The following PLXDC1 variants were observed in gnomAD, a reference collection of about 807,000 sequenced individuals.
PLXDC1 encodes plexin domain containing 1.
PLXDC1 carries 39 observed loss-of-function variants against 61.3 expected under a neutral mutation model. That is an observed-to-expected ratio of 0.64 (90% CI 0.49 to 0.83). PLXDC1 has a LOEUF of 0.83. PLXDC1 is among the 40% of genes least tolerant of loss of function. PLXDC1 has a pLI of 0.00. For missense variants in PLXDC1, 596 were observed against 666.5 expected, an observed-to-expected ratio of 0.89 and a Z score of 1.17; for synonymous variants, 212 against 254.5, an observed-to-expected ratio of 0.83 and a Z score of 1.59.
chr17:39,072,861 C>A (rs1909180712), intron 11 of PLXDC1, among the ~76,000 whole-genome samples: 1 of 152,158 alleles, frequency 6.6e-6, no homozygotes, highest in Non-Finnish European at 1.5e-5. Flanking sequence ...AGGAGAGAGT[C>A]CCAACCCACT....
At chr17:39,097,011 C>G (rs543546128) in intron 7 of PLXDC1, 1 of 471,196 alleles carries the variant, frequency 2.1e-6, no homozygotes, top group South Asian at 1.5e-5. Flanking sequence ...CTGGTAAGAA[C>G]TCTTGTGGTT....
chr17:39,133,085 C>T (rs939314181), intron 2 of PLXDC1, among the ~76,000 whole-genome samples: 1 of 152,164 alleles, frequency 6.6e-6, no homozygotes, highest in African/African-American at 2.4e-5. Context: ...CTTCCTTAGG[C>T]CACAGTGATG....
At chr17:39,095,898 C>T (rs1910175852) in intron 7 of PLXDC1, among the ~76,000 whole-genome samples, 1 of 152,158 alleles carries the variant, frequency 6.6e-6, no homozygotes, top group Non-Finnish European at 1.5e-5. Flanking sequence ...CTCCTGGCCT[C>T]AAACGATCCA....
intron 7 of PLXDC1, among the ~76,000 whole-genome samples, chr17:39,105,073 CCCCATCAAAGCCCAGGT>C (rs1304537875): frequency 7.2e-5 from 11 of 152,204 alleles, no homozygotes; most frequent in African/African-American, 2.7e-4. Context: ...TGCCCCCAGG[CCCCATCAAAGCCCAGGT>C]GGGGTGGGAA....
intron 9 of PLXDC1, among the ~76,000 whole-genome samples, chr17:39,082,950 C>T (rs907904540): frequency 2.0e-5 from 3 of 152,224 alleles, no homozygotes; most frequent in Non-Finnish European, 4.4e-5. Context: ...TGCCTGTAGT[C>T]CACACCCCTG....
intron 2 of PLXDC1, among the ~76,000 whole-genome samples, chr17:39,113,750 C>T (rs1910883760): frequency 6.6e-6 from 1 of 151,838 alleles, no homozygotes; most frequent in African/African-American, 2.4e-5. Context: ...ACTCAGGAGG[C>T]TGAGGCAGGA....
intron 12 of PLXDC1, 51 bp downstream of exon 12, chr17:39,072,399 G>C: frequency 2.2e-6 from 3 of 1,340,444 alleles, no homozygotes; most frequent in Non-Finnish European, 3.1e-6. Context: ...TTCTGGGGTG[G>C]GTCCAAGAGG....
chr17:39,152,748 A>T, upstream of PLXDC1: 3 of 1,101,414 alleles, frequency 2.7e-6, no homozygotes, highest in Non-Finnish European at 3.4e-6. Flanking sequence ...GCTGGAAGAG[A>T]CGGATTCCGT....
At chr17:39,141,794 T>G (rs1219193285) in intron 1 of PLXDC1, among the ~76,000 whole-genome samples, 1 of 152,208 alleles carries the variant, frequency 6.6e-6, no homozygotes, top group Non-Finnish European at 1.5e-5. Context: ...TGGGTTCCAA[T>G]CTCTCCACAT....
intron 1 of PLXDC1, among the ~76,000 whole-genome samples, chr17:39,150,484 C>T (rs1399309975): frequency 1.3e-5 from 2 of 152,112 alleles, no homozygotes; most frequent in East Asian, 1.9e-4. Context: ...TGCTGAGGGG[C>T]CAGGCTGCAA....
rs564004077 is a variant in PLXDC1, at chr17:39,070,850, C to T, written c.1223-834G>A. 9.0e-4 allele frequency among the ~76,000 whole-genome samples: 137 copies of T among 152,230 alleles called. 1 individual carries two copies. Among genetic ancestry groups the T allele is most frequent in the African/African-American group, 2.6e-3 (109 of 41,542 alleles). ...AAAATTAGCCAGGCATGGTGGCACG[C>T]GCCTGTAGTCCCAGCTACTCAGGAG... On this transcript the variant is annotated intron_variant, in intron 12 of 13. Transcript: ENST00000315392.
At chr17:39,120,846 C>T (rs147791611) in intron 2 of PLXDC1, among the ~76,000 whole-genome samples, 3 of 151,948 alleles carry the variant, frequency 2.0e-5, no homozygotes, top group Non-Finnish European at 4.4e-5. Flanking sequence ...TCCCTGCAAC[C>T]TCCCGGGTTC....
intron 2 of PLXDC1, among the ~76,000 whole-genome samples, chr17:39,112,455 T>G (rs1422038406): frequency 9.3e-6 from 1 of 108,062 alleles, no homozygotes; most frequent in Non-Finnish European, 1.9e-5. Context: ...TTTTTTTTCT[T>G]TCTTTTTTTT....
At chr17:39,141,570 C>A (rs35994633) in intron 1 of PLXDC1, among the ~76,000 whole-genome samples, 22,258 of 152,204 alleles carry the variant, frequency 0.15, 3,589 homozygotes, top group African/African-American at 0.4. Context: ...CACGTTTTAG[C>A]TATTGTGAAC....
intron 2 of PLXDC1, among the ~76,000 whole-genome samples, chr17:39,134,053 C>T (rs1455494122): frequency 1.3e-5 from 2 of 151,922 alleles, no homozygotes; most frequent in African/African-American, 2.4e-5. Context: ...GTCAGGAGAT[C>T]AAGACCATCC....
chr17:39,121,407 G>A (rs749956527), intron 2 of PLXDC1, among the ~76,000 whole-genome samples: 7 of 152,140 alleles, frequency 4.6e-5, no homozygotes, highest in African/African-American at 7.2e-5. Flanking sequence ...GGCTGCAATC[G>A]CTCATAGAGG....
chr17:39,109,868 C>T lies in PLXDC1; in HGVS notation c.256-477G>A, dbSNP rs2143690331. ...ATGGAAAAGGAAAATCTGGGCTGGA[C>T]GCGGTGGCTCGCGCCTGTAATCCCA... On this transcript the variant is annotated intron_variant, in intron 2 of 13. Transcript: ENST00000315392. 1.3e-5 allele frequency among the ~76,000 whole-genome samples: 2 copies of T among 152,318 alleles called. 1 individual carries two copies. Among genetic ancestry groups the T allele is most frequent in the Middle Eastern group, 6.8e-3 (2 of 292 alleles).
At chr17:39,128,105 A>ATGTATATATATATGTGTATATATGTG (rs1363076233) in intron 2 of PLXDC1, among the ~76,000 whole-genome samples, 1 of 81,778 alleles carries the variant, frequency 1.2e-5, no homozygotes, top group Non-Finnish European at 2.4e-5. Context: ...GTGTATATAT[A>ATGTATATATATATGTGTATATATGTG]TATATATATG....
chr17:39,099,849 C>A (rs1265288180), intron 7 of PLXDC1, among the ~76,000 whole-genome samples: 1 of 152,132 alleles, frequency 6.6e-6, no homozygotes, highest in Non-Finnish European at 1.5e-5. Flanking sequence ...GCTAGCATGG[C>A]CCCCAGAGAG....
Sources: allele counts gnomAD v4.1 joint callset (sites outside exome capture counted in the v4.1 genomes callset), GRCh38; gene constraint gnomAD v4.1.1; transcripts MANE v1.5; gene names NCBI Gene and HGNC (gene_info 2026-07-23, HGNC 2026-07-21).